FBXO28: variants seen among roughly 807,000 people sequenced by gnomAD.
The protein encoded by FBXO28 is F-box protein 28.
Under a neutral mutation model 38.1 loss-of-function variants are expected in FBXO28, and 8 were observed. The observed-to-expected ratio is 0.21, with a 90% CI of 0.12 to 0.38. FBXO28 has a LOEUF of 0.38. Ranked by LOEUF, FBXO28 falls within the 10% of genes least tolerant of loss-of-function variation. The probability of loss-of-function intolerance (pLI) is 1.00; values close to 1 mark genes in which losing one functional copy is unlikely to be tolerated. For missense variants in FBXO28, 345 were observed against 460.6 expected (o/e 0.75, Z 2.30); for synonymous variants, 168 against 173.8 (o/e 0.97, Z 0.26).
At chr1:224,114,668 A>G (rs955144060) in intron 1 of FBXO28, among the ~76,000 whole-genome samples, 1 of 150,824 alleles carries the variant, frequency 6.6e-6, no homozygotes, top group Non-Finnish European at 1.5e-5. Context: ...CGGGCCCTCT[A>G]CGGGAGGGGT....
chr1:224,159,884 A>G lies in FBXO28; in HGVS notation c.*2138A>G, dbSNP rs1396630048. The G allele has an allele frequency of 6.6e-6, 1 of 152,200 alleles. No homozygotes were observed. The highest frequency in any genetic ancestry group is 6.5e-5 in the Admixed American group (1 of 15,270). The allele number at this position is 152,200 out of a possible 1,614,324, so 9.4% of individuals were successfully genotyped here. A position where few individuals can be genotyped will look rare whatever the true frequency, so the allele number is the denominator to read the frequency against. On this transcript the variant is annotated 3_prime_UTR_variant, in exon 5 of 5. Coordinates refer to ENST00000366862, the MANE Select transcript of FBXO28 (RefSeq NM_015176.4). ...AGCCTAAACATCTATGTAGTCTTCC[A>G]TTAGTTAACATGTGTATAGGGCTTT...
intron 4 of FBXO28, 77 bp downstream of exon 4, chr1:224,153,414 T>G: frequency 9.4e-7 from 1 of 1,062,966 alleles, no homozygotes; most frequent in Non-Finnish European, 1.3e-6. Context: ...ACCAGTGTCT[T>G]GAACTTTTCT....
At chr1:224,127,168 G>A in intron 1 of FBXO28, among the ~76,000 whole-genome samples, 1 of 44,512 alleles carries the variant, frequency 2.2e-5, no homozygotes, top group South Asian at 1.2e-3. Flanking sequence ...AAGTATTTGT[G>A]TGTGTGTGTG....
At chr1:224,137,542 A>G (rs1312926966) in intron 3 of FBXO28, among the ~76,000 whole-genome samples, 1 of 151,824 alleles carries the variant, frequency 6.6e-6, no homozygotes, top group Admixed American at 6.6e-5. Flanking sequence ...AAGAAAAAAG[A>G]AAAAGGAAGA....
At chr1:224,125,150 G>A (rs1656875730) in intron 1 of FBXO28, among the ~76,000 whole-genome samples, 1 of 143,006 alleles carries the variant, frequency 7.0e-6, no homozygotes, top group East Asian at 2.0e-4. Context: ...GTCTTGCTAT[G>A]TTGCCCAGGC....
Position 224,140,074 on chromosome 1 carries a change from G to C in FBXO28, c.516+5862G>C, listed in dbSNP as rs146991604. On this transcript the variant is annotated intron_variant, in intron 3 of 4. Coordinates refer to ENST00000366862, the MANE Select transcript of FBXO28 (RefSeq NM_015176.4). Reference sequence around the variant, plus strand: ...CCACTGCACTCCAGCCTGGGTGACAGAGCAAGATCTTGTCTCAAGAAAATA... The same window carrying C: ...CCACTGCACTCCAGCCTGGGTGACACAGCAAGATCTTGTCTCAAGAAAATA... Among the ~76,000 whole-genome samples the C allele has an allele frequency of 6.9e-3, 1,046 of 152,284 alleles. 14 individuals are homozygous for C. Among genetic ancestry groups the C allele is most frequent in the African/African-American group, 0.023 (974 of 41,536 alleles).
chr1:224,144,593 A>G (rs1193879493), intron 3 of FBXO28, among the ~76,000 whole-genome samples: 1 of 152,014 alleles, frequency 6.6e-6, no homozygotes, highest in East Asian at 1.9e-4. Flanking sequence ...CCCCATCTCT[A>G]CTAAAAATAC....
intron 1 of FBXO28, among the ~76,000 whole-genome samples, chr1:224,126,432 T>C (rs1376665276): frequency 2.6e-5 from 4 of 152,252 alleles, no homozygotes; most frequent in African/African-American, 9.6e-5. Flanking sequence ...TTGTAGAGTC[T>C]ACAGAGACAA....
chr1:224,126,643 C>T (rs1489187159), intron 1 of FBXO28, among the ~76,000 whole-genome samples: 5 of 152,012 alleles, frequency 3.3e-5, no homozygotes, highest in Admixed American at 2.0e-4. Context: ...AGTGAAGCCC[C>T]ATCTCTATTA....
At chr1:224,140,282 T>C (rs1657312413) in intron 3 of FBXO28, among the ~76,000 whole-genome samples, 1 of 152,216 alleles carries the variant, frequency 6.6e-6, no homozygotes, top group African/African-American at 2.4e-5. Flanking sequence ...TGACAGTTCA[T>C]ATTCAAGTTT....
intron 3 of FBXO28, among the ~76,000 whole-genome samples, chr1:224,141,361 C>T (rs577908462): frequency 6.6e-6 from 1 of 151,442 alleles, no homozygotes; most frequent in Non-Finnish European, 1.5e-5. Context: ...GTCCCAGCTA[C>T]TTGGGAGGCT....
chr1:224,157,006 A>AAC (rs1409128601), intron 4 of FBXO28, among the ~76,000 whole-genome samples: 1 of 151,760 alleles, frequency 6.6e-6, no homozygotes, highest in East Asian at 1.9e-4. Flanking sequence ...TGTCTCAAAA[A>AAC]AAAAAAAAAA....
At chr1:224,148,864 A>ATTACC (rs11275475) in intron 3 of FBXO28, among the ~76,000 whole-genome samples, 152,116 of 152,204 alleles carry the variant, frequency 1, 76,014 homozygotes, top group Middle Eastern at 1. Flanking sequence ...TTTACTTACT[A>ATTACC]ATGTCCTTCA....
intron 3 of FBXO28, among the ~76,000 whole-genome samples, chr1:224,139,209 C>T (rs1349295298): frequency 6.6e-6 from 1 of 151,788 alleles, no homozygotes; most frequent in Non-Finnish European, 1.5e-5. Flanking sequence ...AGCTATATTT[C>T]CCTGAACAGA....
intron 1 of FBXO28, among the ~76,000 whole-genome samples, chr1:224,124,663 A>G (rs1040521242): frequency 4.6e-5 from 7 of 152,158 alleles, no homozygotes; most frequent in African/African-American, 1.4e-4. Context: ...AATTTAGTAT[A>G]TTTCTTTTTT....
intron 3 of FBXO28, among the ~76,000 whole-genome samples, chr1:224,146,902 T>G (rs1054129077): frequency 6.6e-6 from 1 of 151,192 alleles, no homozygotes; most frequent in African/African-American, 2.4e-5. Flanking sequence ...GAGACAGGGT[T>G]TCACCATATT....
intron 3 of FBXO28, among the ~76,000 whole-genome samples, chr1:224,152,218 A>T (rs1486265749): frequency 1.3e-5 from 2 of 152,028 alleles, no homozygotes; most frequent in African/African-American, 2.4e-5. Flanking sequence ...ACAAAAAAGG[A>T]TCTTCTGCTA....
intron 4 of FBXO28, 83 bp from the exon 5 acceptor site, chr1:224,157,269 G>A: frequency 2.1e-6 from 3 of 1,454,800 alleles, no homozygotes; most frequent in South Asian, 1.4e-5. Context: ...CATAGTAAGG[G>A]TATTCCATTT....
At chr1:224,156,020 C>T (rs1350483917) in intron 4 of FBXO28, among the ~76,000 whole-genome samples, 5 of 152,108 alleles carry the variant, frequency 3.3e-5, no homozygotes, top group East Asian at 1.9e-4. Flanking sequence ...CAGGAAGTAA[C>T]GATTGATTTA....
Sources: allele counts gnomAD v4.1 joint callset (sites outside exome capture counted in the v4.1 genomes callset), GRCh38; gene constraint gnomAD v4.1.1; transcripts MANE v1.5; gene names NCBI Gene and HGNC (gene_info 2026-07-23, HGNC 2026-07-21).